The following GSKIP variants were observed in gnomAD, a reference collection of about 807,000 sequenced individuals.
GSKIP encodes the protein GSK3B-interacting protein.
In GSKIP, 5 loss-of-function variants were observed where a neutral mutation model predicts 11.9. The observed-to-expected ratio is 0.42, with a 90% confidence interval of 0.22 to 0.89. The LOEUF is 0.89. GSKIP is among the 40% of genes least tolerant of loss of function. GSKIP has a pLI of 0.29. For missense variants in GSKIP, 150 were observed against 166.6 expected (o/e 0.90, Z 0.55); for synonymous variants, 70 against 62.9 (o/e 1.11, Z -0.54).
chr14:96,369,700 G>C (rs1446523836), intron 1 of GSKIP, among the ~76,000 whole-genome samples: 3 of 152,156 alleles, frequency 2.0e-5, no homozygotes. Context: ...AGGCTTGGCA[G>C]CTTCCACCTA....
intron 1 of GSKIP, among the ~76,000 whole-genome samples, chr14:96,370,656 ATCTG>A (rs1470796677): frequency 4.6e-5 from 7 of 152,084 alleles, no homozygotes; most frequent in Non-Finnish European, 1.0e-4. Flanking sequence ...CTACCTACCT[ATCTG>A]TCTATCTCCC....
At position 96,386,503 on chromosome 14, in the gene GSKIP, G is replaced by A. The variant is rs1889493619; in HGVS notation, c.*819G>A. 1 of 152,572 alleles carries A rather than the reference G, an allele frequency of 6.6e-6. No homozygotes were observed. The highest frequency in any genetic ancestry group is 2.4e-5 in the African/African-American group (1 of 41,432). 9.5% of individuals were successfully genotyped at this position (152,572 alleles called of 1,614,324 possible). A position where few individuals can be genotyped will look rare whatever the true frequency, so the allele number is the denominator to read the frequency against. Reference sequence around the variant, plus strand: ...AGAAAACAATATTTTGGCCTGTGTTGATTCTTATTCTGAATGTGTGTTTAC... The same window carrying A: ...AGAAAACAATATTTTGGCCTGTGTTAATTCTTATTCTGAATGTGTGTTTAC... On this transcript the variant is annotated 3_prime_UTR_variant, in exon 4 of 4. Coordinates refer to ENST00000555181, the MANE Select transcript of GSKIP (RefSeq NM_016472.5).
Position 96,382,332 on chromosome 14 carries a change from G to T in GSKIP, c.85G>T (p.Asp29Tyr), listed in dbSNP as rs373317656. 20 of 1,613,670 alleles carry T rather than the reference G, an allele frequency of 1.2e-5. No individual in the cohort carries two copies. Among genetic ancestry groups the T allele is most frequent in the Admixed American group, 1.7e-5 (1 of 59,994 alleles). ...GSELNGFEGT[D>Y]MKDMRLEAEA... ...AGAGCTGAACGGTTTTGAAGGAACT[G>T]ACATGAAAGACATGAGGCTCGAAGC... Residue 29 changes from aspartate to tyrosine, a missense_variant, in exon 3 of 4, where the codon GAC (aspartate) becomes TAC (tyrosine). By Grantham distance (160) the Asp-to-Tyr change is radical (BLOSUM62 -3). Transcript: ENST00000555181.
At position 96,385,649 on chromosome 14, in the gene GSKIP, A is replaced by G. The variant is rs1889470572; in HGVS notation, c.385A>G (p.Arg129Gly). Residue 129 changes from arginine (R) to glycine (G), a missense_variant, in exon 4 of 4, where the codon AGA (arginine) becomes GGA (glycine). Physicochemically the swap from Arg to Gly is moderately radical, Grantham distance 125. Coordinates refer to ENST00000555181, the MANE Select transcript of GSKIP (RefSeq NM_016472.5). ...AGCATTTGGAAACGCACTGCTTCAA[A>G]GACTGGAAGCTTTGAAAAGAGATGG... ...REAFGNALLQ[R>G]LEALKRDGQS 3 of 1,613,336 alleles carry G rather than the reference A, an allele frequency of 1.9e-6. No individual in the cohort carries two copies. Among genetic ancestry groups the G allele is most frequent in the Non-Finnish European group, 2.5e-6 (3 of 1,179,744 alleles).
intron 1 of GSKIP, among the ~76,000 whole-genome samples, chr14:96,372,258 A>G (rs1889067666): frequency 6.6e-6 from 1 of 152,212 alleles, no homozygotes; most frequent in Non-Finnish European, 1.5e-5. Context: ...TTATTCATTC[A>G]GGAAATATTC....
intron 1 of GSKIP, among the ~76,000 whole-genome samples, chr14:96,368,996 G>A (rs1344717742): frequency 1.3e-5 from 2 of 152,326 alleles, no homozygotes; most frequent in East Asian, 3.9e-4. Flanking sequence ...AAATGGTTGT[G>A]ACCAAAATGC....
chr14:96,378,345 C>CA (rs909702279), intron 1 of GSKIP, among the ~76,000 whole-genome samples: 33 of 149,518 alleles, frequency 2.2e-4, no homozygotes, highest in African/African-American at 4.4e-4. Flanking sequence ...AATAACTCTC[C>CA]AAAAAAAAAG....
chr14:96,378,697 T>C (rs548796427), intron 1 of GSKIP, among the ~76,000 whole-genome samples: 3 of 152,354 alleles, frequency 2.0e-5, no homozygotes, highest in African/African-American at 7.2e-5. Context: ...ATATTCATCA[T>C]GATCACCCGA....
chr14:96,380,910 TC>T (rs1248178192), intron 2 of GSKIP, among the ~76,000 whole-genome samples: 3 of 152,114 alleles, frequency 2.0e-5, no homozygotes, highest in Non-Finnish European at 2.9e-5. Flanking sequence ...CTAATCTAAC[TC>T]CAGTGTGGTG....
Position 96,382,239 on chromosome 14 carries a change from T to C in GSKIP, c.-1-8T>C. ...AAATTTTATAACTGCTTTTTTTTTT[T>C]TTTACAGAATGGAAACAGACTGTAA... On this transcript the variant is annotated splice_polypyrimidine_tract_variant and splice_region_variant and intron_variant, in intron 2 of 3. Coordinates refer to ENST00000555181, the MANE Select transcript of GSKIP (RefSeq NM_016472.5). The C allele has an allele frequency of 1.3e-6, 2 of 1,547,510 alleles. No homozygotes were observed. Among genetic ancestry groups the C allele is most frequent in the Non-Finnish European group, 1.7e-6 (2 of 1,150,170 alleles).
intron 1 of GSKIP, among the ~76,000 whole-genome samples, chr14:96,372,599 A>G (rs1223135250): frequency 1.3e-5 from 2 of 152,228 alleles, no homozygotes; most frequent in African/African-American, 4.8e-5. Flanking sequence ...TCATTAATGA[A>G]ACAAACAACA....
At chr14:96,367,880 T>G (rs1292417717) in intron 1 of GSKIP, among the ~76,000 whole-genome samples, 1 of 152,200 alleles carries the variant, frequency 6.6e-6, no homozygotes, top group Non-Finnish European at 1.5e-5. Context: ...TATTCCAATT[T>G]TTGTCTCTTT....
chr14:96,369,211 G>T (rs948225673), intron 1 of GSKIP, among the ~76,000 whole-genome samples: 4 of 152,178 alleles, frequency 2.6e-5, no homozygotes, highest in African/African-American at 9.7e-5. Context: ...AAGCAGCAAA[G>T]GGTTCAAGAA....
At chr14:96,380,483 A>C (rs1431937777) in intron 2 of GSKIP, among the ~76,000 whole-genome samples, 1 of 152,188 alleles carries the variant, frequency 6.6e-6, no homozygotes, top group African/African-American at 2.4e-5. Flanking sequence ...CGTCTTCCAG[A>C]GATTTTGATT....
rs2139948310 is a variant in GSKIP, at chr14:96,386,933, A to G, written c.*1249A>G. 6.6e-6 allele frequency: 1 copy of G among 152,620 alleles called. No individual in the cohort carries two copies. The highest frequency in any genetic ancestry group is 1.9e-4 in the East Asian group (1 of 5,188). 9.5% of individuals were successfully genotyped at this position (152,620 alleles called of 1,614,324 possible). Reference sequence around the variant, plus strand: ...CATCTGGTCATACCTTCATGCATTTATCATTTGCAGATATTTTTCCATCAT... The same window carrying G: ...CATCTGGTCATACCTTCATGCATTTGTCATTTGCAGATATTTTTCCATCAT... On this transcript the variant is annotated 3_prime_UTR_variant, in exon 4 of 4. Coordinates refer to ENST00000555181, the MANE Select transcript of GSKIP (RefSeq NM_016472.5).
chr14:96,371,599 C>A (rs1032638501), intron 1 of GSKIP, among the ~76,000 whole-genome samples: 4 of 152,054 alleles, frequency 2.6e-5, no homozygotes, highest in South Asian at 2.1e-4. Flanking sequence ...CACGTGCCAC[C>A]ACACCTGGCT....
chr14:96,365,782 C>T (rs1351970002), intron 1 of GSKIP, among the ~76,000 whole-genome samples: 2 of 151,672 alleles, frequency 1.3e-5, no homozygotes, highest in Non-Finnish European at 2.9e-5. Flanking sequence ...TGCAGTGAGC[C>T]GAGATTGTGC....
Position 96,375,002 on chromosome 14 carries a change from A to G in GSKIP, c.-102-4686A>G, listed in dbSNP as rs28855382. Among the ~76,000 whole-genome samples, 752 of 152,366 alleles carry G rather than the reference A, an allele frequency of 4.9e-3. 12 individuals carry two copies. The highest frequency in any genetic ancestry group is 0.017 in the African/African-American group (694 of 41,588). ...GAATAATAACATTATGATGAAGTTT[A>G]TAATTTATGTAGAAGTAAAATATGT... is the stretch of plus-strand genomic sequence containing the variant. On this transcript the variant is annotated intron_variant, in intron 1 of 3. Transcript: ENST00000555181.
At chr14:96,380,142 T>G (rs1164823586) in intron 2 of GSKIP, 1 of 152,216 alleles carries the variant, frequency 6.6e-6, no homozygotes, top group Non-Finnish European at 1.5e-5. Context: ...CCCAACAGAT[T>G]GCTCCAGCAA....
Sources: gnomAD v4.1 joint callset for allele counts (sites outside exome capture counted in the v4.1 genomes callset) on GRCh38, gnomAD v4.1.1 for gene constraint, MANE v1.5 for transcripts, NCBI Gene and HGNC (gene_info 2026-07-23, HGNC 2026-07-21) for gene names.